MEIS1: variants seen among roughly 807,000 people sequenced by gnomAD.
MEIS1 encodes the protein homeobox protein Meis1.
A neutral mutation model predicts 50.8 loss-of-function variants in MEIS1; 5 were observed. That is an observed-to-expected ratio of 0.10 (90% CI 0.05 to 0.21). The LOEUF (loss-of-function observed/expected upper bound fraction) is 0.21. MEIS1 is among the 10% of genes least tolerant of loss of function. MEIS1 has a pLI of 1.00. For synonymous variants in MEIS1, 176 were observed against 179.3 expected, an observed-to-expected ratio of 0.98 and a Z score of 0.15; for missense variants, 318 against 517.3, an observed-to-expected ratio of 0.61 and a Z score of 3.74.
At position 66,569,257 on chromosome 2, in the gene MEIS1, A is replaced by T. The variant is rs369475488; in HGVS notation, c.*37+112A>T. ...TCATGCTTGTTCATTCCTTTCCATT[A>T]AACTCCTGGTTTCTTGCTTCCATCA... On this transcript the variant is annotated intron_variant, in intron 12 of 12. Transcript: ENST00000272369. 56 of 885,618 alleles carry T rather than the reference A, an allele frequency of 6.3e-5. 1 individual carries two copies. In the East Asian group the frequency reaches 1.2e-3, roughly 20 times the overall value. The allele number at this position is 885,618 out of a possible 1,614,324, so 54.9% of individuals were successfully genotyped here.
intron 7 of MEIS1, among the ~76,000 whole-genome samples, chr2:66,478,958 G>A (rs952485808): frequency 1.4e-4 from 21 of 152,294 alleles, no homozygotes; most frequent in Admixed American, 3.9e-4. Context: ...TCTTATGACC[G>A]CAATGGTGGG....
chr2:66,504,466 C>T (rs1673640186), intron 7 of MEIS1, among the ~76,000 whole-genome samples: 1 of 151,578 alleles, frequency 6.6e-6, no homozygotes, highest in Non-Finnish European at 1.5e-5. Context: ...GAACTCCTGA[C>T]ATCAGGTGAT....
chr2:66,470,030 T>C lies in MEIS1; in HGVS notation c.742+5810T>C, dbSNP rs544553135. On this transcript the variant is annotated intron_variant, in intron 7 of 12. Coordinates refer to ENST00000272369, the MANE Select transcript of MEIS1 (RefSeq NM_002398.3). Reference sequence around the variant, plus strand: ...GAAAATGGTTACAAACGGTAATTTTTATTTTTTGTTGTTTCATTTGTCTGT... The same window carrying C: ...GAAAATGGTTACAAACGGTAATTTTCATTTTTTGTTGTTTCATTTGTCTGT... Among the ~76,000 whole-genome samples, 3 of 152,326 alleles carry C rather than the reference T, an allele frequency of 2.0e-5. No individual in the cohort carries two copies. In the East Asian group the frequency reaches 5.8e-4, roughly 29 times the overall value.
At chr2:66,532,084 G>C (rs556250027) in intron 8 of MEIS1, among the ~76,000 whole-genome samples, 1 of 152,262 alleles carries the variant, frequency 6.6e-6, no homozygotes, top group East Asian at 1.9e-4. Flanking sequence ...CTGAGGTGGA[G>C]TGTCTTCTGT....
chr2:66,476,405 T>G (rs1357003778), intron 7 of MEIS1, among the ~76,000 whole-genome samples: 1 of 152,166 alleles, frequency 6.6e-6, no homozygotes, highest in Non-Finnish European at 1.5e-5. Flanking sequence ...AAGATAGAAG[T>G]GAAAAGAGAA....
chr2:66,504,729 G>T (rs184410826), intron 7 of MEIS1, among the ~76,000 whole-genome samples: 1 of 152,044 alleles, frequency 6.6e-6, no homozygotes, highest in Non-Finnish European at 1.5e-5. Context: ...CATCTTTTCC[G>T]TCATTGCCAC....
chr2:66,469,197 A>G lies in MEIS1; in HGVS notation c.742+4977A>G, dbSNP rs1377913064. ...GAATAACAATAGTACCACTTAAAAAAAAAAAAGCAAAACCAGCATGCCAGG... is the reference window on the plus strand; with the variant it reads ...GAATAACAATAGTACCACTTAAAAAGAAAAAAGCAAAACCAGCATGCCAGG... On this transcript the variant is annotated intron_variant, in intron 7 of 12. Coordinates refer to ENST00000272369, the MANE Select transcript of MEIS1 (RefSeq NM_002398.3). Among the ~76,000 whole-genome samples the G allele has an allele frequency of 2.0e-5, 3 of 151,916 alleles. No homozygotes were observed. The East Asian group carries it at 5.8e-4, about 29-fold the overall frequency.
chr2:66,487,712 C>T (rs920345172), intron 7 of MEIS1, among the ~76,000 whole-genome samples: 1 of 152,166 alleles, frequency 6.6e-6, no homozygotes, highest in Non-Finnish European at 1.5e-5. Flanking sequence ...ATCCCTACTT[C>T]GTAACTTACA....
In MEIS1 at chr2:66,435,571, T is replaced by A. The variant is rs1042962160; in HGVS notation, c.-286T>A. ...CTTTCTTTCTTTCTTTTTTTTTTTT[T>A]AAACTGATTTTTGGGGGAGAGAAGA... On this transcript the variant is annotated 5_prime_UTR_variant, in exon 1 of 13. Coordinates refer to ENST00000272369, the MANE Select transcript of MEIS1 (RefSeq NM_002398.3). The A allele has an allele frequency of 5.5e-5, 22 of 396,662 alleles. No homozygotes were observed. The highest frequency in any genetic ancestry group is 2.1e-4 in the African/African-American group (10 of 48,050). The allele number at this position is 396,662 out of a possible 1,614,324, so 24.6% of individuals were successfully genotyped here. A position where few individuals can be genotyped will look rare whatever the true frequency, so the allele number is the denominator to read the frequency against.
At chr2:66,481,892 G>T (rs1361196704) in intron 7 of MEIS1, among the ~76,000 whole-genome samples, 4 of 110,224 alleles carry the variant, frequency 3.6e-5, no homozygotes, top group Admixed American at 1.4e-4. Flanking sequence ...GTCTTGCTCT[G>T]TTGCCAGGCC....
chr2:66,494,316 T>C (rs1358980913), intron 7 of MEIS1, among the ~76,000 whole-genome samples: 2 of 152,214 alleles, frequency 1.3e-5, no homozygotes, highest in Non-Finnish European at 2.9e-5. Context: ...TCCGCATATA[T>C]GGAAAAACTC....
intron 5 of MEIS1, among the ~76,000 whole-genome samples, chr2:66,442,520 T>G (rs548202628): frequency 6.6e-5 from 10 of 152,288 alleles, no homozygotes; most frequent in Non-Finnish European, 1.3e-4. Context: ...TACACACGTA[T>G]ACATTTTTTT....
chr2:66,506,234 T>G (rs1483492328), intron 7 of MEIS1, among the ~76,000 whole-genome samples: 23 of 152,116 alleles, frequency 1.5e-4, no homozygotes, highest in Admixed American at 1.5e-3. Flanking sequence ...ATCACCTGGT[T>G]GGTGGGTGGG....
At chr2:66,553,011 G>T (rs1215957456) in intron 9 of MEIS1, among the ~76,000 whole-genome samples, 1 of 151,988 alleles carries the variant, frequency 6.6e-6, no homozygotes, top group African/African-American at 2.4e-5. Flanking sequence ...TTAAACAGAG[G>T]TATGACACAA....
At chr2:66,440,049 A>ACGCG (rs755829146) in intron 3 of MEIS1, 65 bp downstream of exon 3, 3 of 1,078,610 alleles carry the variant, frequency 2.8e-6, no homozygotes, top group African/African-American at 2.2e-5. Flanking sequence ...GCCAACACAC[A>ACGCG]CGCGCGCGCG....
At chr2:66,444,859 C>T (rs1194363425) in intron 6 of MEIS1, among the ~76,000 whole-genome samples, 1 of 152,136 alleles carries the variant, frequency 6.6e-6, no homozygotes. Context: ...TTACAAGAAT[C>T]GCTTAGGGGC....
chr2:66,505,478 A>AAAAAAAATCAAGG (rs1673665116), intron 7 of MEIS1, among the ~76,000 whole-genome samples: 1 of 152,104 alleles, frequency 6.6e-6, no homozygotes, highest in Admixed American at 6.5e-5. Context: ...CGATTACTTG[A>AAAAAAAATCAAGG]AAAAAAATCA....
chr2:66,523,375 C>T (rs969919188), intron 8 of MEIS1, among the ~76,000 whole-genome samples: 1 of 152,174 alleles, frequency 6.6e-6, no homozygotes, highest in Non-Finnish European at 1.5e-5. Context: ...AAACATTCTC[C>T]TATATTAAAT....
At chr2:66,496,398 G>A (rs992463774) in intron 7 of MEIS1, among the ~76,000 whole-genome samples, 1 of 152,010 alleles carries the variant, frequency 6.6e-6, no homozygotes, top group African/African-American at 2.4e-5. Flanking sequence ...TGTGAGCTTG[G>A]TCTCTTTTTT....
Sources: allele counts gnomAD v4.1 joint callset (sites outside exome capture counted in the v4.1 genomes callset), GRCh38; gene constraint gnomAD v4.1.1; transcripts MANE v1.5; gene names NCBI Gene and HGNC (gene_info 2026-07-23, HGNC 2026-07-21).